The following INTS6 variants were observed in gnomAD, a reference collection of about 807,000 sequenced individuals.
The protein encoded by INTS6 is DEAD box protein.
A neutral mutation model predicts 104.9 loss-of-function variants in INTS6; 16 were observed. That is an observed-to-expected ratio of 0.15 (90% CI 0.10 to 0.23). The LOEUF is 0.23. INTS6 is among the 10% of genes least tolerant of loss of function. INTS6 has a pLI of 1.00. For missense variants in INTS6, 584 were observed against 1,062.8 expected (o/e 0.55, Z 6.26); for synonymous variants, 324 against 358.7 (o/e 0.90, Z 1.09).
At chr13:51,384,468 T>G (rs1226626792) in intron 7 of INTS6, 1 of 344,772 alleles carries the variant, frequency 2.9e-6, no homozygotes, top group Non-Finnish European at 5.7e-6. Flanking sequence ...AGGACTCTAT[T>G]GGCCTCAGTT....
chr13:51,335,947 G>A, the INTS6 span: 1 of 152,166 alleles, frequency 6.6e-6, no homozygotes, highest in Non-Finnish European at 1.5e-5. Flanking sequence ...GAAACAAAAT[G>A]ACAATCAAGA....
chr13:51,339,395 G>C, the INTS6 span: 1 of 152,272 alleles, frequency 6.6e-6, no homozygotes, highest in South Asian at 2.1e-4. Flanking sequence ...ATGTGACAAA[G>C]GGCTGGATGA....
rs1207245507 is a variant in INTS6, at chr13:51,452,348, C to A, written c.111+67G>T. 6.8e-6 allele frequency: 9 copies of A among 1,319,128 alleles called. No individual in the cohort carries two copies. Among genetic ancestry groups the A allele is most frequent in the Non-Finnish European group, 8.7e-6 (9 of 1,032,162 alleles). The allele number at this position is 1,319,128 out of a possible 1,614,324, so 81.7% of individuals were successfully genotyped here. A position where few individuals can be genotyped will look rare whatever the true frequency, so the allele number is the denominator to read the frequency against. On this transcript the variant is annotated intron_variant, in intron 1 of 17. Coordinates refer to ENST00000311234, the MANE Select transcript of INTS6 (RefSeq NM_012141.3). This position sits in a 1 kb window ranked among gnomAD's most constrained non-coding sequence, Gnocchi z 4.2. ...TCCCCGACACCCCCGCCCCGGCCGC[C>A]CTCCCCCACCCTGCCGCCCGCGGGC...
chr13:51,350,077 T>C (rs1486063662), downstream of INTS6, among the ~76,000 whole-genome samples: 1 of 152,164 alleles, frequency 6.6e-6, no homozygotes, highest in African/African-American at 2.4e-5. Context: ...CTCAAATCAC[T>C]CATTCTTCTT....
At chr13:51,380,540 A>T (rs527960105) in intron 10 of INTS6, among the ~76,000 whole-genome samples, 1 of 152,138 alleles carries the variant, frequency 6.6e-6, no homozygotes, top group Non-Finnish European at 1.5e-5. Flanking sequence ...TTGTCCTTCT[A>T]CTTGCCAGGC....
At chr13:51,415,603 A>C (rs1956773713) in intron 4 of INTS6, among the ~76,000 whole-genome samples, 1 of 152,166 alleles carries the variant, frequency 6.6e-6, no homozygotes, top group Admixed American at 6.6e-5. Flanking sequence ...CTTGCCTTCC[A>C]CCAGGATTGT....
At chr13:51,390,542 C>A (rs557137281) in intron 5 of INTS6, among the ~76,000 whole-genome samples, 4 of 151,924 alleles carry the variant, frequency 2.6e-5, no homozygotes, top group South Asian at 2.1e-4. Context: ...AAATATTTTG[C>A]AACATTATTT....
At chr13:51,448,250 C>T (rs577177603) in intron 3 of INTS6, 18 of 152,070 alleles carry the variant, frequency 1.2e-4, no homozygotes, top group Non-Finnish European at 2.4e-4. Context: ...GTTGAACACA[C>T]GTGAAAAACT....
In INTS6 at chr13:51,364,981, T is replaced by C. The variant is rs1284349940; in HGVS notation, c.*771A>G. On this transcript the variant is annotated 3_prime_UTR_variant, in exon 18 of 18. Transcript: ENST00000311234. ...TTAAAGTATCTGTCTATCTGCCCCA[T>C]ACAAAGTCATTCCCATAATCTAGGC... 1 of 152,520 alleles carries C rather than the reference T, an allele frequency of 6.6e-6. No homozygotes were observed. Among genetic ancestry groups the C allele is most frequent in the East Asian group, 1.9e-4 (1 of 5,194 alleles). The allele number at this position is 152,520 out of a possible 1,614,324, so 9.4% of individuals were successfully genotyped here.
At chr13:51,375,988 G>A in intron 13 of INTS6, 60 bp downstream of exon 13, 2 of 1,381,074 alleles carry the variant, frequency 1.4e-6, no homozygotes, top group Non-Finnish European at 9.8e-7. Flanking sequence ...ACCATGCTAT[G>A]CTTTTTCAGA....
chr13:51,394,215 TTA>T (rs1956294612), intron 5 of INTS6, among the ~76,000 whole-genome samples: 1 of 152,062 alleles, frequency 6.6e-6, no homozygotes, highest in Non-Finnish European at 1.5e-5. Flanking sequence ...CTAAAAAAAA[TTA>T]CATATATGCC....
chr13:51,417,944 C>T (rs1457645169), intron 4 of INTS6, among the ~76,000 whole-genome samples: 2 of 152,032 alleles, frequency 1.3e-5, no homozygotes, highest in East Asian at 3.8e-4. Flanking sequence ...GAGCAATGGA[C>T]CTGAAAAAAT....
At chr13:51,348,488 G>A in the INTS6 span, 365 of 1,251,336 alleles carry the variant, frequency 2.9e-4, 1 homozygote, top group African/African-American at 5.0e-3. Context: ...CAGGTGGTCT[G>A]CCTCCAGGGT....
At chr13:51,424,538 G>C (rs1956953458) in intron 4 of INTS6, among the ~76,000 whole-genome samples, 1 of 151,968 alleles carries the variant, frequency 6.6e-6, no homozygotes, top group African/African-American at 2.4e-5. Context: ...CATACCAGCA[G>C]TAATAAATCC....
intron 4 of INTS6, among the ~76,000 whole-genome samples, chr13:51,401,713 AAAC>A (rs983570576): frequency 1.3e-5 from 2 of 152,138 alleles, no homozygotes; most frequent in African/African-American, 2.4e-5. Flanking sequence ...CCTCATTTAC[AAAC>A]AACAAACAGA....
intron 5 of INTS6, among the ~76,000 whole-genome samples, chr13:51,392,899 A>T (rs1956268502): frequency 6.6e-6 from 1 of 152,154 alleles, no homozygotes; most frequent in Non-Finnish European, 1.5e-5. Flanking sequence ...ATTACCTGAT[A>T]TCAAAAGAAA....
At chr13:51,348,425 T>A in the INTS6 span, 1 of 1,607,482 alleles carries the variant, frequency 6.2e-7, no homozygotes, top group Non-Finnish European at 8.5e-7. Context: ...AGCAGCTGAG[T>A]CCCCCTCACA....
the INTS6 span, among the ~76,000 whole-genome samples, chr13:51,347,962 C>T: frequency 6.6e-6 from 1 of 152,102 alleles, no homozygotes; most frequent in African/African-American, 2.4e-5. Flanking sequence ...ATCGTCCCCC[C>T]CCCCATACCC....
intron 16 of INTS6, 23 bp from the exon 17 acceptor site, chr13:51,367,921 GA>G: frequency 7.6e-7 from 1 of 1,317,980 alleles, no homozygotes; most frequent in Non-Finnish European, 1.1e-6. Flanking sequence ...GAAACAAAAA[GA>G]AAAATTAAGT....
Sources: gnomAD v4.1 joint callset for allele counts (sites outside exome capture counted in the v4.1 genomes callset) on GRCh38, gnomAD v4.1.1 for gene constraint, Gnocchi (gnomAD v3.1) non-coding constraint, MANE v1.5 for transcripts, NCBI Gene and HGNC (gene_info 2026-07-23, HGNC 2026-07-21) for gene names.